NCKAP5: variants seen among roughly 807,000 people sequenced by gnomAD.
NCKAP5 encodes NCK associated protein 5.
In NCKAP5, 92 loss-of-function variants were observed where a neutral mutation model predicts 167.0. The observed-to-expected ratio is 0.55, with a 90% CI of 0.47 to 0.66. The LOEUF (loss-of-function observed/expected upper bound fraction) is 0.66. Among genes scored for constraint, NCKAP5 ranks in the 30% least tolerant of loss-of-function variants. The pLI, the probability that NCKAP5 is intolerant of heterozygous loss-of-function variation, is 0.00. For missense variants in NCKAP5, 2,378 were observed against 2,315.0 expected (o/e 1.03, Z -0.56); for synonymous variants, 891 against 877.4 (o/e 1.02, Z -0.27).
intron 6 of NCKAP5, among the ~76,000 whole-genome samples, chr2:133,049,633 G>T (rs1277308176): frequency 6.6e-6 from 1 of 151,742 alleles, no homozygotes; most frequent in Non-Finnish European, 1.5e-5. Context: ...GGTATAAGTG[G>T]TAGAAAATAC....
intron 6 of NCKAP5, among the ~76,000 whole-genome samples, chr2:133,055,631 A>G (rs959758172): frequency 2.0e-5 from 3 of 152,154 alleles, no homozygotes; most frequent in Non-Finnish European, 4.4e-5. Context: ...TAATGGGTAT[A>G]GCCAATTTAA....
the NCKAP5 span, among the ~76,000 whole-genome samples, chr2:133,577,692 A>G: frequency 6.6e-6 from 1 of 151,968 alleles, no homozygotes; most frequent in East Asian, 1.9e-4. Flanking sequence ...AACAGTCCCC[A>G]GTGTGTGATG....
At chr2:133,406,692 A>T (rs1483201767) in intron 3 of NCKAP5, among the ~76,000 whole-genome samples, 1 of 152,174 alleles carries the variant, frequency 6.6e-6, no homozygotes, top group Non-Finnish European at 1.5e-5. Flanking sequence ...CAAAGTTGGG[A>T]ATCTGTCTGG....
chr2:133,155,374 G>A (rs757070421), intron 5 of NCKAP5, among the ~76,000 whole-genome samples: 5 of 152,184 alleles, frequency 3.3e-5, no homozygotes, highest in Non-Finnish European at 7.3e-5. Context: ...GTACTGCTGG[G>A]ATGGGGCTGA....
the NCKAP5 span, among the ~76,000 whole-genome samples, chr2:133,648,603 A>C: frequency 9.9e-4 from 150 of 152,212 alleles, 1 homozygote; most frequent in African/African-American, 3.5e-3. Flanking sequence ...CAGAAGAAAA[A>C]ATTAAAAATT....
At chr2:132,844,891 G>A (rs1156409392) in intron 11 of NCKAP5, among the ~76,000 whole-genome samples, 1 of 152,008 alleles carries the variant, frequency 6.6e-6, no homozygotes, top group Non-Finnish European at 1.5e-5. Flanking sequence ...AAACGCATGC[G>A]GTTTACATTT....
chr2:133,465,386 AT>A (rs1162527469), intron 3 of NCKAP5, among the ~76,000 whole-genome samples: 2 of 151,352 alleles, frequency 1.3e-5, no homozygotes, highest in African/African-American at 2.4e-5. Context: ...TATGTGCCAC[AT>A]TTTCTTAATC....
intron 4 of NCKAP5, among the ~76,000 whole-genome samples, chr2:133,281,717 G>A (rs1339825983): frequency 6.6e-6 from 1 of 152,108 alleles, no homozygotes; most frequent in Non-Finnish European, 1.5e-5. Flanking sequence ...AGGATAGGCT[G>A]GGTTGTACCA....
At chr2:133,567,619 AT>A (rs952498896) in intron 1 of NCKAP5, among the ~76,000 whole-genome samples, 2 of 151,218 alleles carry the variant, frequency 1.3e-5, no homozygotes, top group African/African-American at 4.9e-5. Flanking sequence ...ATTTCAAAAT[AT>A]TTTTTGATAC....
chr2:133,320,095 G>C (rs937703278), intron 3 of NCKAP5, among the ~76,000 whole-genome samples: 1 of 152,126 alleles, frequency 6.6e-6, no homozygotes, highest in African/African-American at 2.4e-5. Flanking sequence ...AAATCACAAG[G>C]AGTAGAAGCA....
At chr2:133,052,592 C>A (rs970478200) in intron 6 of NCKAP5, among the ~76,000 whole-genome samples, 11 of 151,854 alleles carry the variant, frequency 7.2e-5, no homozygotes, top group Non-Finnish European at 1.2e-4. Flanking sequence ...GTGGTGGGCA[C>A]CTGTAATCCC....
chr2:133,246,027 G>T (rs927030229), intron 4 of NCKAP5, among the ~76,000 whole-genome samples: 5 of 152,082 alleles, frequency 3.3e-5, no homozygotes, highest in African/African-American at 1.2e-4. Flanking sequence ...CATGGTTGGG[G>T]TCTGAAATTA....
At chr2:133,366,343 C>T (rs1230670522) in intron 3 of NCKAP5, among the ~76,000 whole-genome samples, 1 of 152,118 alleles carries the variant, frequency 6.6e-6, no homozygotes, top group Admixed American at 6.6e-5. Context: ...TGCTCTGTTG[C>T]CCAGGCTGCA....
intron 4 of NCKAP5, among the ~76,000 whole-genome samples, chr2:133,250,758 G>A (rs933090040): frequency 6.6e-6 from 1 of 152,038 alleles, no homozygotes; most frequent in Non-Finnish European, 1.5e-5. Flanking sequence ...GACAACACAG[G>A]GAGCCTACAT....
chr2:133,034,313 A>G (rs2078973828), intron 6 of NCKAP5, among the ~76,000 whole-genome samples: 1 of 152,176 alleles, frequency 6.6e-6, no homozygotes, highest in Non-Finnish European at 1.5e-5. Flanking sequence ...TCCCAGACAA[A>G]CAAATGCTGA....
intron 4 of NCKAP5, among the ~76,000 whole-genome samples, chr2:133,217,260 C>T (rs764705525): frequency 1.3e-5 from 2 of 152,004 alleles, no homozygotes; most frequent in Non-Finnish European, 2.9e-5. Flanking sequence ...AGAAAAATAT[C>T]ATAAAAGCAC....
At chr2:133,460,369 G>C (rs2151229674) in intron 3 of NCKAP5, among the ~76,000 whole-genome samples, 1 of 152,166 alleles carries the variant, frequency 6.6e-6, no homozygotes, top group East Asian at 1.9e-4. Context: ...TTAAGAAGAA[G>C]GCCAATATAT....
At chr2:132,846,141 G>A (rs1337253326) in intron 11 of NCKAP5, among the ~76,000 whole-genome samples, 1 of 152,202 alleles carries the variant, frequency 6.6e-6, no homozygotes. Context: ...GTACCTTGGT[G>A]AACTTACTAG....
chr2:133,588,939 G>C, the NCKAP5 span, among the ~76,000 whole-genome samples: 1 of 152,162 alleles, frequency 6.6e-6, no homozygotes, highest in African/African-American at 2.4e-5. Context: ...TGCCTTTGGG[G>C]AGGGAATGAT....
Sources: gnomAD v4.1 joint callset for allele counts (sites outside exome capture counted in the v4.1 genomes callset) on GRCh38, gnomAD v4.1.1 for gene constraint, MANE v1.5 for transcripts, NCBI Gene and HGNC (gene_info 2026-07-23, HGNC 2026-07-21) for gene names.